EXOC4: variants seen among roughly 807,000 people sequenced by gnomAD.
The protein encoded by EXOC4 is exocyst complex component 4.
In EXOC4, 71 loss-of-function variants were observed where a neutral mutation model predicts 107.2. That is an observed-to-expected ratio of 0.66 (90% CI 0.55 to 0.81). The LOEUF is 0.81. EXOC4 is among the 30% of genes least tolerant of loss of function. The probability of loss-of-function intolerance (pLI) is 0.00; values close to 1 mark genes in which losing one functional copy is unlikely to be tolerated. For missense variants in EXOC4, 1,108 were observed against 1,189.6 expected (o/e 0.93, Z 1.01); for synonymous variants, 456 against 441.2 (o/e 1.03, Z -0.42).
At chr7:133,848,712 C>G (rs556169417) in intron 11 of EXOC4, among the ~76,000 whole-genome samples, 2 of 152,194 alleles carry the variant, frequency 1.3e-5, no homozygotes, top group African/African-American at 2.4e-5. Context: ...TCTCTGGGAT[C>G]TAAAATGTTC....
intron 9 of EXOC4, among the ~76,000 whole-genome samples, chr7:133,545,787 A>G (rs772647679): frequency 1.3e-5 from 2 of 152,190 alleles, no homozygotes; most frequent in African/African-American, 4.8e-5. Flanking sequence ...TTGACCCTAT[A>G]TAACCACAAA....
intron 9 of EXOC4, among the ~76,000 whole-genome samples, chr7:133,498,675 A>G (rs549113977): frequency 3.3e-5 from 5 of 152,188 alleles, no homozygotes; most frequent in African/African-American, 1.2e-4. Context: ...TCCTGCTTCT[A>G]TCTCTAATCC....
At chr7:133,567,427 G>A (rs1312723092) in intron 9 of EXOC4, among the ~76,000 whole-genome samples, 1 of 151,846 alleles carries the variant, frequency 6.6e-6, no homozygotes, top group Admixed American at 6.6e-5. Flanking sequence ...AACCAGTCCT[G>A]TGTTGATATG....
intron 11 of EXOC4, among the ~76,000 whole-genome samples, chr7:133,855,089 A>AAATATATCTAAATATATC (rs1563028405): frequency 4.5e-5 from 1 of 22,306 alleles, no homozygotes; most frequent in African/African-American, 2.2e-4. Flanking sequence ...CTAAATATAT[A>AAATATATCTAAATATATC]TAAATATATA....
intron 4 of EXOC4, among the ~76,000 whole-genome samples, chr7:133,314,057 T>A (rs1794935842): frequency 6.6e-6 from 1 of 152,182 alleles, no homozygotes; most frequent in South Asian, 2.1e-4. Context: ...ATTTTATTTT[T>A]TGTTTTCAAA....
At chr7:133,550,429 C>T (rs943339906) in intron 9 of EXOC4, among the ~76,000 whole-genome samples, 13 of 152,066 alleles carry the variant, frequency 8.5e-5, no homozygotes, top group Admixed American at 6.6e-5. Flanking sequence ...GTTATTCTTC[C>T]TGCAGGAATT....
chr7:133,311,385 G>A (rs375256316), intron 4 of EXOC4, among the ~76,000 whole-genome samples: 96 of 152,192 alleles, frequency 6.3e-4, no homozygotes, highest in African/African-American at 2.2e-3. Context: ...AAATAGAGTT[G>A]AGAAATAGAC....
At chr7:133,809,262 A>G (rs536532538) in intron 10 of EXOC4, among the ~76,000 whole-genome samples, 41 of 152,306 alleles carry the variant, frequency 2.7e-4, no homozygotes, top group African/African-American at 8.9e-4. Context: ...GTTTATTGCC[A>G]ATTAAAATTT....
intron 7 of EXOC4, among the ~76,000 whole-genome samples, chr7:133,466,327 T>G (rs2150833484): frequency 6.6e-6 from 1 of 151,814 alleles, no homozygotes; most frequent in South Asian, 2.1e-4. Context: ...AAAAGAGAAG[T>G]CTAAAGAATA....
At chr7:133,654,993 G>A (rs1487079087) in intron 10 of EXOC4, among the ~76,000 whole-genome samples, 1 of 152,158 alleles carries the variant, frequency 6.6e-6, no homozygotes, top group Non-Finnish European at 1.5e-5. Context: ...TATGAATGTT[G>A]CTTGCAGGAC....
At chr7:133,357,749 T>C (rs1796053510) in intron 6 of EXOC4, among the ~76,000 whole-genome samples, 1 of 152,242 alleles carries the variant, frequency 6.6e-6, no homozygotes, top group African/African-American at 2.4e-5. Flanking sequence ...ACTGTATTTC[T>C]GTGTTCTTTT....
At chr7:134,083,637 G>A in the EXOC4 span, among the ~76,000 whole-genome samples, 3 of 152,134 alleles carry the variant, frequency 2.0e-5, no homozygotes, top group African/African-American at 7.2e-5. Context: ...GCCCCTCCAT[G>A]TGATCTCTTC....
intron 10 of EXOC4, among the ~76,000 whole-genome samples, chr7:133,816,598 C>G (rs868701646): frequency 1.3e-5 from 2 of 152,104 alleles, no homozygotes; most frequent in African/African-American, 4.8e-5. Flanking sequence ...TATATATATA[C>G]ATGTAAAGCA....
At chr7:133,270,654 G>A (rs189185901) in intron 1 of EXOC4, among the ~76,000 whole-genome samples, 3 of 152,290 alleles carry the variant, frequency 2.0e-5, no homozygotes, top group African/African-American at 7.2e-5. Context: ...TATTTTAATG[G>A]AAGGCTTTAT....
chr7:133,980,187 G>A (rs568637603), intron 14 of EXOC4, among the ~76,000 whole-genome samples: 3 of 152,290 alleles, frequency 2.0e-5, no homozygotes, highest in East Asian at 3.9e-4. Context: ...CTTACCCAGT[G>A]TGTATGTTTA....
At chr7:133,845,551 A>T (rs1798109899) in intron 11 of EXOC4, among the ~76,000 whole-genome samples, 3 of 151,948 alleles carry the variant, frequency 2.0e-5, no homozygotes, top group Admixed American at 2.0e-4. Context: ...AAAGTCCAAA[A>T]GCTTTTCATG....
At chr7:133,353,849 CTA>C (rs1423934543) in intron 5 of EXOC4, among the ~76,000 whole-genome samples, 1 of 151,800 alleles carries the variant, frequency 6.6e-6, no homozygotes, top group African/African-American at 2.4e-5. Flanking sequence ...TTCCATTGTC[CTA>C]TCTTGACGTT....
At chr7:133,655,912 A>G (rs1313773121) in intron 10 of EXOC4, among the ~76,000 whole-genome samples, 2 of 152,190 alleles carry the variant, frequency 1.3e-5, no homozygotes, top group African/African-American at 4.8e-5. Context: ...TCAACTTTAC[A>G]TAATTGTATA....
chr7:134,010,497 G>T (rs796468894), intron 17 of EXOC4, among the ~76,000 whole-genome samples: 1 of 151,560 alleles, frequency 6.6e-6, no homozygotes, highest in Admixed American at 6.6e-5. Flanking sequence ...TTTTTCCCCC[G>T]CTTCTTGTTT....
Sources: allele counts gnomAD v4.1 joint callset (sites outside exome capture counted in the v4.1 genomes callset), GRCh38; gene constraint gnomAD v4.1.1; transcripts MANE v1.5; gene names NCBI Gene and HGNC (gene_info 2026-07-23, HGNC 2026-07-21).